The following GRIK3 variants were observed in gnomAD, a reference collection of about 807,000 sequenced individuals.
The protein encoded by GRIK3 is glutamate ionotropic receptor kainate type subunit 3.
In GRIK3, 29 loss-of-function variants were observed where a neutral mutation model predicts 102.5. The observed-to-expected ratio is 0.28, with a 90% CI of 0.21 to 0.39. The LOEUF is 0.39. Ranked by LOEUF, GRIK3 falls within the 10% of genes least tolerant of loss-of-function variation. The pLI is 1.00. For synonymous variants in GRIK3, 511 were observed against 504.9 expected (o/e 1.01, Z -0.16); for missense variants, 908 against 1,252.4 (o/e 0.73, Z 4.15).
chr1:36,841,048 C>T (rs759706671), intron 10 of GRIK3, among the ~76,000 whole-genome samples: 2 of 152,194 alleles, frequency 1.3e-5, no homozygotes, highest in Non-Finnish European at 2.9e-5. Flanking sequence ...AACCGGGACT[C>T]GAGCCCAGGG....
At chr1:36,839,955 G>A (rs895319110) in intron 10 of GRIK3, among the ~76,000 whole-genome samples, 7 of 152,184 alleles carry the variant, frequency 4.6e-5, no homozygotes, top group African/African-American at 1.7e-4. Context: ...CGAAGTCCCT[G>A]ATGCTGTCTG....
rs57217516 is a variant in GRIK3 at position 36,826,680 on chromosome 1, T to TA, written c.1531-855dup. 6.3e-3 allele frequency among the ~76,000 whole-genome samples: 685 copies of TA among 108,086 alleles called. 1 individual carries two copies. Among genetic ancestry groups the TA allele is most frequent in the South Asian group, 0.014 (48 of 3,316 alleles). 70.9% of individuals were successfully genotyped at this position (108,086 alleles called of 152,430 possible). ...CAGAGTGAGATCTTGTTTCAAAAAA[T>TA]AAAAAAAAAAAAAAAGAAAAGAAAC... On this transcript the variant is annotated intron_variant, in intron 10 of 15. Transcript: ENST00000373091.
intron 1 of GRIK3, among the ~76,000 whole-genome samples, chr1:36,958,272 T>C (rs189158854): frequency 6.5e-5 from 4 of 61,660 alleles, no homozygotes; most frequent in African/African-American, 1.5e-4. Flanking sequence ...GCCCCGTGAG[T>C]CTGTGTGCCC....
intron 1 of GRIK3, among the ~76,000 whole-genome samples, chr1:36,915,970 T>C (rs1641394800): frequency 6.6e-6 from 1 of 152,134 alleles, no homozygotes; most frequent in Non-Finnish European, 1.5e-5. Flanking sequence ...TGGAAAAATT[T>C]GGAGGGCTCA....
At chr1:36,947,761 C>T (rs550658613) in intron 1 of GRIK3, among the ~76,000 whole-genome samples, 1 of 152,226 alleles carries the variant, frequency 6.6e-6, no homozygotes, top group East Asian at 1.9e-4. Context: ...CCCCATGAAG[C>T]AGGATAGTTT....
At chr1:36,803,664 C>T (rs180794657) in intron 15 of GRIK3, among the ~76,000 whole-genome samples, 39 of 152,228 alleles carry the variant, frequency 2.6e-4, no homozygotes, top group Middle Eastern at 3.4e-3. Flanking sequence ...CTCTTGACTT[C>T]GTGATCCACC....
At chr1:36,928,431 T>C (rs1378994317) in intron 1 of GRIK3, among the ~76,000 whole-genome samples, 2 of 152,312 alleles carry the variant, frequency 1.3e-5, no homozygotes, top group African/African-American at 2.4e-5. Flanking sequence ...TACCAGATTG[T>C]CTGAATCAAA....
chr1:36,944,373 C>T (rs1641759715), intron 1 of GRIK3, among the ~76,000 whole-genome samples: 1 of 152,182 alleles, frequency 6.6e-6, no homozygotes, highest in Non-Finnish European at 1.5e-5. Context: ...AGGGAATCCC[C>T]TCAGGCCGAA....
intron 3 of GRIK3, among the ~76,000 whole-genome samples, chr1:36,875,447 C>A (rs1293407229): frequency 6.6e-6 from 1 of 152,222 alleles, no homozygotes; most frequent in Middle Eastern, 3.2e-3. Flanking sequence ...TGCCATGTAA[C>A]TTTGCAGGGC....
At chr1:36,932,545 A>C (rs909070508) in intron 1 of GRIK3, among the ~76,000 whole-genome samples, 2 of 152,196 alleles carry the variant, frequency 1.3e-5, no homozygotes, top group South Asian at 4.1e-4. Context: ...CACAGAGGCA[A>C]CACTCCCAGG....
chr1:36,930,693 A>G (rs1641577755), intron 1 of GRIK3, among the ~76,000 whole-genome samples: 1 of 152,134 alleles, frequency 6.6e-6, no homozygotes, highest in South Asian at 2.1e-4. Flanking sequence ...CAGGCCAGGG[A>G]TGGTGTGAGT....
At chr1:36,821,782 G>T (rs1642698614) in intron 11 of GRIK3, among the ~76,000 whole-genome samples, 1 of 152,208 alleles carries the variant, frequency 6.6e-6, no homozygotes, top group East Asian at 1.9e-4. Context: ...TTGCCAGAGG[G>T]GGCCACTGGA....
chr1:36,976,981 C>T (rs985100276), intron 1 of GRIK3, among the ~76,000 whole-genome samples: 1 of 152,176 alleles, frequency 6.6e-6, no homozygotes, highest in Admixed American at 6.5e-5. Context: ...ATCTAAGAGT[C>T]CAAGCGGGTG....
At position 36,890,921 on chromosome 1, in the gene GRIK3, CT is replaced by C; in HGVS notation, c.290del (p.Lys97ArgfsTer54). 1 of 1,607,850 alleles carries C rather than the reference CT, an allele frequency of 6.2e-7. No individual in the cohort carries two copies. Reference sequence around the variant, plus strand: ...CAGAGGCAGGAGCTGCACACTCACCCTTTTTGGTCGCCTCGAAGCTGTCATG... The same window carrying C: ...CAGAGGCAGGAGCTGCACACTCACCCTTTTGGTCGCCTCGAAGCTGTCATG... ...HFHDSFEATK[K>X]ACDQLALGVV... On this transcript the variant is annotated frameshift_variant and splice_region_variant, in exon 2 of 16. Transcript: ENST00000373091. LOFTEE classifies it high-confidence loss of function.
At chr1:36,914,881 T>C (rs1557723620) in intron 1 of GRIK3, among the ~76,000 whole-genome samples, 2 of 152,258 alleles carry the variant, frequency 1.3e-5, no homozygotes, top group Admixed American at 6.5e-5. Flanking sequence ...ACATCTCACC[T>C]GGGCAGGGCA....
At chr1:36,942,890 T>C (rs929498836) in intron 1 of GRIK3, among the ~76,000 whole-genome samples, 3 of 152,098 alleles carry the variant, frequency 2.0e-5, no homozygotes, top group Admixed American at 6.5e-5. Context: ...ACTCTCCTGA[T>C]AGGGCAGCTC....
intron 2 of GRIK3, among the ~76,000 whole-genome samples, chr1:36,886,785 C>T (rs558249360): frequency 9.8e-5 from 15 of 152,336 alleles, no homozygotes; most frequent in African/African-American, 3.4e-4. Context: ...CAGAGCGTTT[C>T]CAACACCTAA....
intron 1 of GRIK3, among the ~76,000 whole-genome samples, chr1:36,987,752 G>A (rs78811065): frequency 0.034 from 5,184 of 152,214 alleles, 296 homozygotes; most frequent in African/African-American, 0.12. Flanking sequence ...GACCTCCACC[G>A]ACAATAGCAG....
rs905923401 is a variant in GRIK3 at position 36,880,277 on chromosome 1, C to A, written c.550+357G>T. On this transcript the variant is annotated intron_variant, in intron 3 of 15. Coordinates refer to ENST00000373091, the MANE Select transcript of GRIK3 (RefSeq NM_000831.4). This position sits in a 1 kb window ranked among gnomAD's most constrained non-coding sequence, Gnocchi z 5.4. The stretch of plus-strand genomic sequence containing the variant: ...AGTGTGAGGGTGGATGTGTTTGCAG[C>A]AGATGGAAATGTGTGAGCGTAAGGG... Among the ~76,000 whole-genome samples the A allele has an allele frequency of 3.9e-5, 6 of 152,040 alleles. No individual in the cohort carries two copies. Among genetic ancestry groups the A allele is most frequent in the African/African-American group, 1.4e-4 (6 of 41,398 alleles).
Sources: allele counts gnomAD v4.1 joint callset (sites outside exome capture counted in the v4.1 genomes callset), GRCh38; gene constraint gnomAD v4.1.1; non-coding constraint Gnocchi (gnomAD v3.1); transcripts MANE v1.5; gene names NCBI Gene and HGNC (gene_info 2026-07-23, HGNC 2026-07-21).